SETD7: variants seen among roughly 807,000 people sequenced by gnomAD.
SETD7 encodes the protein SET domain containing 7, histone lysine methyltransferase.
In SETD7, 16 loss-of-function variants were observed where a neutral mutation model predicts 41.8. The ratio of observed to expected loss-of-function variants is 0.38; its 90% confidence interval spans 0.26 to 0.58. SETD7 has a LOEUF of 0.58. Ranked by LOEUF, SETD7 falls within the 20% of genes least tolerant of loss-of-function variation. The pLI is 0.64. For synonymous variants in SETD7, 163 were observed against 169.7 expected (o/e 0.96, Z 0.31); for missense variants, 346 against 459.7 (o/e 0.75, Z 2.26).
chr4:139,536,465 A>G (rs890092584), intron 2 of SETD7, among the ~76,000 whole-genome samples: 2 of 152,166 alleles, frequency 1.3e-5, no homozygotes, highest in African/African-American at 4.8e-5. Context: ...TAATCCCAGC[A>G]CTTTGGGAGG....
chr4:139,501,374 C>A (rs1181483455), downstream of SETD7, among the ~76,000 whole-genome samples: 8 of 134,080 alleles, frequency 6.0e-5, no homozygotes, highest in East Asian at 2.0e-3. Context: ...TAAGTGGGAG[C>A]TAAGCTATGA....
At chr4:139,518,154 G>T (rs960221500) in intron 6 of SETD7, 112 bp from the exon 7 acceptor site, 11 of 1,160,676 alleles carry the variant, frequency 9.5e-6, no homozygotes, top group Non-Finnish European at 9.4e-6. Flanking sequence ...TTGAGACAGG[G>T]TCTCACTCTG....
chr4:139,543,035 ACAAACT>A (rs1727822609), intron 2 of SETD7, among the ~76,000 whole-genome samples: 1 of 152,200 alleles, frequency 6.6e-6, no homozygotes, highest in African/African-American at 2.4e-5. Flanking sequence ...ACAATTTCAG[ACAAACT>A]CTTTGATGGG....
chr4:139,494,010 G>A (rs944069354), downstream of SETD7, among the ~76,000 whole-genome samples: 3 of 152,162 alleles, frequency 2.0e-5, no homozygotes, highest in African/African-American at 7.2e-5. Flanking sequence ...ACTGAATCTG[G>A]TGGCCAGCCT....
At chr4:139,537,578 C>T (rs1727673225) in intron 2 of SETD7, among the ~76,000 whole-genome samples, 6 of 152,124 alleles carry the variant, frequency 3.9e-5, no homozygotes, top group Admixed American at 3.3e-4. Flanking sequence ...ATGTCTTTAT[C>T]GATGTTAAAT....
At chr4:139,517,829 T>C in intron 7 of SETD7, 56 bp downstream of exon 7, 1 of 1,545,358 alleles carries the variant, frequency 6.5e-7, no homozygotes, top group Non-Finnish European at 8.8e-7. Context: ...ACTGCCCTCC[T>C]CCGTCTCAGG....
chr4:139,532,767 C>T (rs772030421), intron 3 of SETD7: 180 of 244,278 alleles, frequency 7.4e-4, no homozygotes, highest in Non-Finnish European at 1.2e-3. Flanking sequence ...TTAAAAATTG[C>T]TGGACTGGTT....
Position 139,532,989 on chromosome 4 carries a change from A to C in SETD7, c.372+176T>G, listed in dbSNP as rs528780839. 9.8e-6 allele frequency: 6 copies of C among 613,972 alleles called. No homozygotes were observed. The Admixed American group carries it at 1.7e-4, about 17-fold the overall frequency. 38.0% of individuals were successfully genotyped at this position (613,972 alleles called of 1,614,324 possible). On this transcript the variant is annotated intron_variant, in intron 3 of 7. Transcript: ENST00000274031. ...TTAATAACGGATTCAAGGGCCAACA[A>C]TCTAAGCCAATAGTGAGTAACAGTG...
chr4:139,515,726 G>A (rs746123564), intron 7 of SETD7, among the ~76,000 whole-genome samples: 5 of 152,184 alleles, frequency 3.3e-5, no homozygotes, highest in Middle Eastern at 3.2e-3. Flanking sequence ...AGAGCAAGTC[G>A]TTGCCAGGAA....
At position 139,547,797 on chromosome 4, in the gene SETD7, C is replaced by G. The variant is rs75773585; in HGVS notation, c.41-748G>C. ...GTTTAGTAATAACCTTATCCTATAC[C>G]GTCCACCACTGTGTCTCAGAGGGCT... On this transcript the variant is annotated intron_variant, in intron 1 of 7. Transcript: ENST00000274031. Among the ~76,000 whole-genome samples the G allele has an allele frequency of 2.0e-3, 308 of 152,292 alleles. 2 individuals are homozygous for G. Among genetic ancestry groups the G allele is most frequent in the Non-Finnish European group, 3.5e-3 (240 of 68,034 alleles).
chr4:139,513,414 T>C (rs1726935995), intron 7 of SETD7, among the ~76,000 whole-genome samples: 1 of 145,380 alleles, frequency 6.9e-6, no homozygotes. Flanking sequence ...AGTGAGACTT[T>C]GTCTCAAAAA....
intron 2 of SETD7, among the ~76,000 whole-genome samples, chr4:139,535,243 A>G (rs190609072): frequency 1.1e-4 from 17 of 152,374 alleles, no homozygotes; most frequent in Admixed American, 6.5e-4. Flanking sequence ...GGTATAATAC[A>G]GGATTCCCAG....
intron 6 of SETD7, among the ~76,000 whole-genome samples, chr4:139,519,029 G>A (rs1727108778): frequency 6.6e-6 from 1 of 152,212 alleles, no homozygotes; most frequent in Non-Finnish European, 1.5e-5. Context: ...CTCAACTGAT[G>A]TTTACTAAGC....
intron 2 of SETD7, among the ~76,000 whole-genome samples, chr4:139,534,346 A>G (rs550130955): frequency 1.4e-4 from 21 of 152,224 alleles, no homozygotes; most frequent in Non-Finnish European, 2.6e-4. Context: ...AGACAGCTTG[A>G]TTATTTTAAC....
chr4:139,535,272 T>C (rs1196473408), intron 2 of SETD7, among the ~76,000 whole-genome samples: 1 of 152,250 alleles, frequency 6.6e-6, no homozygotes, highest in Non-Finnish European at 1.5e-5. Flanking sequence ...GAATTTCAGA[T>C]AAACAACAAA....
chr4:139,523,517 C>T (rs978586661), intron 4 of SETD7, 82 bp from the exon 5 acceptor site: 19 of 1,035,038 alleles, frequency 1.8e-5, no homozygotes, highest in African/African-American at 1.6e-4. Context: ...CATGGGACAA[C>T]GAAGAGTTAA....
In SETD7 at chr4:139,511,038, T is replaced by C. The variant is rs1726855702; in HGVS notation, c.*625A>G. 1 of 152,644 alleles carries C rather than the reference T, an allele frequency of 6.6e-6. No individual in the cohort carries two copies. Among genetic ancestry groups the C allele is most frequent in the East Asian group, 1.9e-4 (1 of 5,206 alleles). The allele number at this position is 152,644 out of a possible 1,614,324, so 9.5% of individuals were successfully genotyped here. A position where few individuals can be genotyped will look rare whatever the true frequency, so the allele number is the denominator to read the frequency against. On this transcript the variant is annotated 3_prime_UTR_variant, in exon 8 of 8. Coordinates refer to ENST00000274031, the MANE Select transcript of SETD7 (RefSeq NM_030648.4). ...ACCAGAGAGACCTACACACTGCTAT[T>C]GATGCAAAAATCCATTTGGAAGTTT...
At chr4:139,501,437 G>GA (rs1171143261), downstream of SETD7, among the ~76,000 whole-genome samples, 2 of 148,288 alleles carry the variant, frequency 1.3e-5, no homozygotes, top group South Asian at 2.2e-4. Flanking sequence ...TCAGAAGGGG[G>GA]AGGGTGGGAG....
intron 4 of SETD7, among the ~76,000 whole-genome samples, chr4:139,524,878 G>A (rs979594519): frequency 4.4e-4 from 67 of 152,200 alleles, no homozygotes; most frequent in African/African-American, 1.3e-3. Context: ...GAGCAATGGC[G>A]TGATCTCAGC....
Sources: gnomAD v4.1 joint callset for allele counts (sites outside exome capture counted in the v4.1 genomes callset) on GRCh38, gnomAD v4.1.1 for gene constraint, MANE v1.5 for transcripts, NCBI Gene and HGNC (gene_info 2026-07-23, HGNC 2026-07-21) for gene names.